The following GRIN1 variants were observed in gnomAD, a reference collection of about 807,000 sequenced individuals.
The protein encoded by GRIN1 is glutamate receptor ionotropic, NMDA 1.
In GRIN1, 38 loss-of-function variants were observed where a neutral mutation model predicts 103.0. The observed-to-expected ratio is 0.37, with a 90% confidence interval of 0.28 to 0.48. GRIN1 has a LOEUF of 0.48. Ranked by LOEUF, GRIN1 falls within the 20% of genes least tolerant of loss-of-function variation. The pLI is 0.98. For synonymous variants in GRIN1, 544 were observed against 532.7 expected, an observed-to-expected ratio of 1.02 and a Z score of -0.29; for missense variants, 577 against 1,288.9, an observed-to-expected ratio of 0.45 and a Z score of 8.46.
At position 137,163,923 on chromosome 9, in the gene GRIN1, C is replaced by CG; in HGVS notation, c.2589+20dup. The CG allele has an allele frequency of 3.1e-6, 5 of 1,611,604 alleles. No individual in the cohort carries two copies. Among genetic ancestry groups the CG allele is most frequent in the Non-Finnish European group, 4.2e-6 (5 of 1,179,376 alleles). On this transcript the variant is annotated intron_variant, in intron 18 of 19. Transcript: ENST00000371561. ...CCTGCAGGTAGGGCAGGCCACCCTC[C>CG]GAGGCCTGGTGCCCAGGGCCCGGCC...
At position 137,164,474 on chromosome 9, in the gene GRIN1, C is replaced by T. The variant is rs78895501; in HGVS notation, c.2589+570C>T. The T allele has an allele frequency of 7.1e-3, 1,265 of 177,526 alleles. 6 individuals carry two copies. Among genetic ancestry groups the T allele is most frequent in the Non-Finnish European group, 9.8e-3 (820 of 83,390 alleles). 11.0% of individuals were successfully genotyped at this position (177,526 alleles called of 1,614,324 possible). ...GTGGGCCTGTACAGGCCTAAGGGCT[C>T]GTGGCCCGCGGTCGAGTTCCGGTTC... On this transcript the variant is annotated intron_variant, in intron 18 of 19. Transcript: ENST00000371561.
chr9:137,167,951 C>T lies in GRIN1; in HGVS notation c.*424C>T. The stretch of plus-strand genomic sequence containing the variant: ...CCACCCGCCCCAGAGACTGCCCACC[C>T]TGGGCCTCCCGTCCGTCCGCCCGCC... On this transcript the variant is annotated 3_prime_UTR_variant, in exon 20 of 20. Transcript: ENST00000371561. 2.0e-6 allele frequency: 2 copies of T among 979,436 alleles called. No homozygotes were observed. Among genetic ancestry groups the T allele is most frequent in the Middle Eastern group, 2.8e-4 (1 of 3,520 alleles). The allele number at this position is 979,436 out of a possible 1,614,324, so 60.7% of individuals were successfully genotyped here. A position where few individuals can be genotyped will look rare whatever the true frequency, so the allele number is the denominator to read the frequency against.
At chr9:137,144,725 C>CCG (rs1832401772) in intron 2 of GRIN1, among the ~76,000 whole-genome samples, 1 of 126,420 alleles carries the variant, frequency 7.9e-6, no homozygotes, top group African/African-American at 3.6e-5. Context: ...AAAGTGTCCC[C>CCG]AGGGGTGTGG....
At position 137,167,627 on chromosome 9, in the gene GRIN1, G is replaced by A; in HGVS notation, c.*100G>A. 1 of 1,513,800 alleles carries A rather than the reference G, an allele frequency of 6.6e-7. No individual in the cohort carries two copies. The allele number at this position is 1,513,800 out of a possible 1,614,324, so 93.8% of individuals were successfully genotyped here. A position where few individuals can be genotyped will look rare whatever the true frequency, so the allele number is the denominator to read the frequency against. Reference sequence around the variant, plus strand: ...ACGCAGAGCCCCGGAGCACCACGGGGTCGGGGGAGGAGCACCCCCAGCCTC... The same window carrying A: ...ACGCAGAGCCCCGGAGCACCACGGGATCGGGGGAGGAGCACCCCCAGCCTC... On this transcript the variant is annotated 3_prime_UTR_variant, in exon 20 of 20. Coordinates refer to ENST00000371561, the MANE Select transcript of GRIN1 (RefSeq NM_007327.4).
Position 137,144,426 on chromosome 9 carries a change from G to T in GRIN1, c.394-1300G>T, listed in dbSNP as rs188486902. 1.8e-4 allele frequency among the ~76,000 whole-genome samples: 28 copies of T among 151,528 alleles called. 1 individual carries two copies. The South Asian group carries it at 5.8e-3, about 32-fold the overall frequency. On this transcript the variant is annotated intron_variant, in intron 2 of 19. Transcript: ENST00000371561. ...TCCCAGCACTTTGGGAGGCCGAGGCGGGCGGATCACGAGGTCAGGAGATCG... is the reference window on the plus strand; with the variant it reads ...TCCCAGCACTTTGGGAGGCCGAGGCTGGCGGATCACGAGGTCAGGAGATCG...
chr9:137,164,781 T>C, intron 18 of GRIN1: 1 of 258,616 alleles, frequency 3.9e-6, no homozygotes, highest in Non-Finnish European at 7.6e-6. Context: ...CTCGGCCCCT[T>C]CCTGAATCTT....
intron 18 of GRIN1, chr9:137,164,335 C>T: frequency 3.0e-5 from 9 of 296,940 alleles, no homozygotes; most frequent in South Asian, 2.8e-4. Context: ...TCCTTGTGCT[C>T]CGTGACTCTA....
At chr9:137,159,671 CCTCA>C (rs1238343609) in intron 8 of GRIN1, among the ~76,000 whole-genome samples, 1 of 152,252 alleles carries the variant, frequency 6.6e-6, no homozygotes, top group Admixed American at 6.5e-5. Flanking sequence ...TTGTTTCTGG[CCTCA>C]CTAATTTTTT....
intron 13 of GRIN1, 22 bp from the exon 14 acceptor site, chr9:137,162,569 A>G: frequency 1.2e-6 from 2 of 1,611,240 alleles, no homozygotes; most frequent in Non-Finnish European, 1.7e-6. Context: ...AGGGTCTGAC[A>G]GAGCCCCCCG....
intron 6 of GRIN1, 67 bp downstream of exon 6, chr9:137,157,104 A>C (rs1293745349): frequency 2.9e-6 from 1 of 349,558 alleles, no homozygotes; most frequent in Non-Finnish European, 4.9e-6. Flanking sequence ...CACTCCAGAG[A>C]TGGGCGGGGC....
intron 19 of GRIN1, among the ~76,000 whole-genome samples, chr9:137,166,349 C>T (rs1833877948): frequency 6.6e-6 from 1 of 152,242 alleles, no homozygotes; most frequent in South Asian, 2.1e-4. Flanking sequence ...CAGGCCCAGG[C>T]ACCATGGTGG....
At chr9:137,154,640 C>T (rs1463218997) in intron 4 of GRIN1, among the ~76,000 whole-genome samples, 3 of 151,502 alleles carry the variant, frequency 2.0e-5, no homozygotes, top group South Asian at 2.1e-4. Context: ...TTTGTAGAGA[C>T]GGGGTTTCTC....
intron 6 of GRIN1, among the ~76,000 whole-genome samples, chr9:137,157,429 T>G (rs1393684489): frequency 6.6e-6 from 1 of 152,156 alleles, no homozygotes; most frequent in Non-Finnish European, 1.5e-5. Context: ...GGGCCGTCAC[T>G]GGAGTGGGGA....
In GRIN1 at chr9:137,168,206, G is replaced by A. The variant is rs989728065; in HGVS notation, c.*679G>A. ...GCAGCACCAGCCTGAGCCACAGTGG[G>A]GCCCATGGCCCCAGCTGGCTGGGTC... is the stretch of plus-strand genomic sequence containing the variant. On this transcript the variant is annotated 3_prime_UTR_variant, in exon 20 of 20. Coordinates refer to ENST00000371561, the MANE Select transcript of GRIN1 (RefSeq NM_007327.4). 2.9e-6 allele frequency: 1 copy of A among 347,108 alleles called. No homozygotes were observed. Among genetic ancestry groups the A allele is most frequent in the Non-Finnish European group, 5.3e-6 (1 of 187,744 alleles). 21.5% of individuals were successfully genotyped at this position (347,108 alleles called of 1,614,324 possible).
At chr9:137,148,312 C>T in intron 3 of GRIN1, 1 of 770,586 alleles carries the variant, frequency 1.3e-6, no homozygotes, top group Non-Finnish European at 2.1e-6. Context: ...CGCCGAGCCG[C>T]AGGCCCAAGC....
Position 137,161,082 on chromosome 9 carries a change from C to T in GRIN1, c.1224C>T (p.Phe408=), listed in dbSNP as rs772147719. ...TTGTGACGATCCACCAGGAGCCCTT[C>T]GTGTACGTCAAGCCCACGCTGAGTG... ...LKIVTIHQEP[F]VYVKPTLSDG... The change falls in exon 9 of 20, where the codon TTC becomes TTT. Residue 408 remains phenylalanine (F), a synonymous_variant. Transcript: ENST00000371561. 3.7e-6 allele frequency: 6 copies of T among 1,612,912 alleles called. No individual in the cohort carries two copies. In the South Asian group the frequency reaches 4.4e-5, roughly 12 times the overall value.
At position 137,161,331 on chromosome 9, in the gene GRIN1, A is replaced by T. The variant is rs955781126; in HGVS notation, c.1382A>T (p.Asp461Val). 1.2e-6 allele frequency: 2 copies of T among 1,612,346 alleles called. No individual in the cohort carries two copies. Among genetic ancestry groups the T allele is most frequent in the Non-Finnish European group, 1.7e-6 (2 of 1,179,742 alleles). ...CAGTGTTGCTACGGCTTTTGCATCG[A>T]CCTGCTCATCAAGCTGGCACGGACC... is the stretch of plus-strand genomic sequence containing the variant. The part of the protein sequence containing the change: ...VPQCCYGFCI[D>V]LLIKLARTMN... Residue 461 changes from aspartate (D) to valine (V), a missense_variant, in exon 10 of 20, where the codon GAC (aspartate) becomes GTC (valine). Physicochemically the swap from Asp to Val is radical, Grantham distance 152 (BLOSUM62 -3). Transcript: ENST00000371561.
chr9:137,150,013 C>T (rs1242361030), intron 4 of GRIN1, among the ~76,000 whole-genome samples: 2 of 152,208 alleles, frequency 1.3e-5, no homozygotes, highest in African/African-American at 4.8e-5. Flanking sequence ...GTGGGGCCAG[C>T]CAGGGCTCCT....
Position 137,168,699 on chromosome 9 carries a change from C to A in GRIN1, c.*1172C>A. On this transcript the variant is annotated 3_prime_UTR_variant, in exon 20 of 20. Coordinates refer to ENST00000371561, the MANE Select transcript of GRIN1 (RefSeq NM_007327.4). ...TCCGTCCCCAGGGTGCAGGCGCGCA[C>A]CGCCCAACCCCCACCTCCCGGTGTA... 1.8e-6 allele frequency: 1 copy of A among 566,138 alleles called. No individual in the cohort carries two copies. Among genetic ancestry groups the A allele is most frequent in the Non-Finnish European group, 2.6e-6 (1 of 392,046 alleles). 35.1% of individuals were successfully genotyped at this position (566,138 alleles called of 1,614,324 possible). A position where few individuals can be genotyped will look rare whatever the true frequency, so the allele number is the denominator to read the frequency against.
Sources: gnomAD v4.1 joint callset for allele counts (sites outside exome capture counted in the v4.1 genomes callset) on GRCh38, gnomAD v4.1.1 for gene constraint, MANE v1.5 for transcripts, NCBI Gene and HGNC (gene_info 2026-07-23, HGNC 2026-07-21) for gene names.